Variants in SLC17A1 observed in about 807,000 individuals in gnomAD.
SLC17A1 encodes sodium-dependent phosphate transport protein 1.
Under a neutral mutation model 53.5 loss-of-function variants are expected in SLC17A1, and 51 were observed. The observed-to-expected ratio is 0.95, with a 90% CI of 0.76 to 1.20. The LOEUF is 1.20. Ranked by LOEUF, SLC17A1 falls within the 50% of genes most tolerant of loss-of-function variation. SLC17A1 has a pLI of 0.00. For synonymous variants in SLC17A1, 179 were observed against 198.8 expected (o/e 0.90, Z 0.84); for missense variants, 538 against 568.2 (o/e 0.95, Z 0.54).
chr6:25,824,774 GA>G (rs1395804690), intron 3 of SLC17A1, among the ~76,000 whole-genome samples: 5 of 150,478 alleles, frequency 3.3e-5, no homozygotes, highest in Admixed American at 1.3e-4. Context: ...AAATGTGAAT[GA>G]AAAAAAAATT....
Position 25,811,763 on chromosome 6 carries a change from A to G in SLC17A1, c.905T>C (p.Phe302Ser), listed in dbSNP as rs776313841. ...MLHVNIKENGFLSSLPYLFAW... is the reference protein window; with the variant it reads ...MLHVNIKENGSLSSLPYLFAW... ...AAACAAATAGGGAAGGGAAGACAAG[A>G]ACCCATTCTGAAGAGGAAACATTAT... The change falls in exon 9 of 13, where the codon TTC becomes TCC. Residue 302 changes from phenylalanine to serine, a missense_variant. Physicochemically the swap from Phe to Ser is radical, Grantham distance 155. Coordinates refer to ENST00000244527, the MANE Select transcript of SLC17A1 (RefSeq NM_005074.5). 10 of 1,613,712 alleles carry G rather than the reference A, an allele frequency of 6.2e-6. No homozygotes were observed. In the South Asian group the frequency reaches 1.1e-4, roughly 18 times the overall value.
chr6:25,726,507 C>T, the SLC17A1 span: 33 of 1,610,710 alleles, frequency 2.0e-5, no homozygotes, highest in Admixed American at 3.5e-4. Flanking sequence ...CTTTTCCTCC[C>T]TGCTTCCCTC....
chr6:25,797,693 GA>G (rs1368463485), intron 12 of SLC17A1, among the ~76,000 whole-genome samples: 4 of 151,026 alleles, frequency 2.6e-5, no homozygotes, highest in Non-Finnish European at 5.9e-5. Context: ...TCTGCCTCCT[GA>G]GTTCAAGAGA....
chr6:25,787,418 T>C (rs2151473825), intron 12 of SLC17A1, among the ~76,000 whole-genome samples: 1 of 152,272 alleles, frequency 6.6e-6, no homozygotes, highest in South Asian at 2.1e-4. Context: ...AATGATGCCC[T>C]AAACGCAGAC....
chr6:25,792,094 C>G (rs964525374), intron 12 of SLC17A1, among the ~76,000 whole-genome samples: 22 of 152,130 alleles, frequency 1.4e-4, no homozygotes, highest in Non-Finnish European at 2.4e-4. Flanking sequence ...ATTTTCTGAC[C>G]AGGTAGGAGT....
At chr6:25,815,778 G>T (rs1764330074) in intron 6 of SLC17A1, among the ~76,000 whole-genome samples, 1 of 152,062 alleles carries the variant, frequency 6.6e-6, no homozygotes, top group African/African-American at 2.4e-5. Flanking sequence ...TTGAAAACAT[G>T]CCCTTTTTGG....
intron 12 of SLC17A1, among the ~76,000 whole-genome samples, chr6:25,797,198 C>G (rs1763619471): frequency 6.6e-6 from 1 of 152,212 alleles, no homozygotes; most frequent in South Asian, 2.1e-4. Flanking sequence ...AGCTACCACA[C>G]CATTTCTCTA....
At chr6:25,737,750 T>C in the SLC17A1 span, among the ~76,000 whole-genome samples, 1 of 152,156 alleles carries the variant, frequency 6.6e-6, no homozygotes, top group African/African-American at 2.4e-5. Context: ...TTTCAAAATA[T>C]AATAACAAAA....
chr6:25,752,193 C>T, the SLC17A1 span, among the ~76,000 whole-genome samples: 1 of 152,196 alleles, frequency 6.6e-6, no homozygotes, highest in African/African-American at 2.4e-5. Context: ...AGTGCAGTTA[C>T]ACAAACCTAG....
chr6:25,819,448 G>A (rs912772981), intron 5 of SLC17A1, 63 bp downstream of exon 5: 70 of 1,310,032 alleles, frequency 5.3e-5, no homozygotes, highest in Non-Finnish European at 7.4e-5. Flanking sequence ...TATGGCTCTA[G>A]GGAAGAATGT....
the SLC17A1 span, chr6:25,768,477 C>A: frequency 7.3e-6 from 5 of 684,384 alleles, no homozygotes; most frequent in African/African-American, 2.0e-5. Flanking sequence ...TTAAATACTT[C>A]TATGATCTAA....
At chr6:25,731,739 A>G in the SLC17A1 span, 2 of 1,353,428 alleles carry the variant, frequency 1.5e-6, no homozygotes, top group African/African-American at 1.5e-5. Context: ...GGCTCTTAAA[A>G]GAGCCTTTGG....
At chr6:25,760,943 C>T in the SLC17A1 span, among the ~76,000 whole-genome samples, 1 of 152,174 alleles carries the variant, frequency 6.6e-6, no homozygotes, top group Non-Finnish European at 1.5e-5. Flanking sequence ...AATTTTGCTA[C>T]ACATTGAGTC....
intron 3 of SLC17A1, among the ~76,000 whole-genome samples, chr6:25,823,503 A>T (rs1230555050): frequency 6.6e-6 from 1 of 152,062 alleles, no homozygotes; most frequent in African/African-American, 2.4e-5. Context: ...TTACAATTTT[A>T]GCCATTTGAA....
the SLC17A1 span, among the ~76,000 whole-genome samples, chr6:25,761,460 C>T: frequency 6.6e-6 from 1 of 152,200 alleles, no homozygotes; most frequent in Non-Finnish European, 1.5e-5. Context: ...AGACATCTAA[C>T]TCGGTGGAGA....
chr6:25,816,994 C>G (rs1363451830), intron 6 of SLC17A1, among the ~76,000 whole-genome samples: 2 of 151,980 alleles, frequency 1.3e-5, no homozygotes, highest in African/African-American at 4.8e-5. Context: ...ATTATAGGTG[C>G]CTGCCACCAC....
At chr6:25,747,350 T>TAAG in the SLC17A1 span, among the ~76,000 whole-genome samples, 1 of 152,208 alleles carries the variant, frequency 6.6e-6, no homozygotes, top group Admixed American at 6.5e-5. Context: ...TTCCACAATG[T>TAAG]AAGAGCTAGG....
chr6:25,764,762 G>T, the SLC17A1 span, among the ~76,000 whole-genome samples: 1 of 152,160 alleles, frequency 6.6e-6, no homozygotes, highest in Admixed American at 6.5e-5. Context: ...AGCGTGCATG[G>T]GTCCACATCC....
chr6:25,778,905 A>T (rs951254062), downstream of SLC17A1: 6 of 926,766 alleles, frequency 6.5e-6, no homozygotes, highest in Non-Finnish European at 1.0e-5. Context: ...GCAGAAATGT[A>T]CTTGAGTATT....
Sources: allele counts gnomAD v4.1 joint callset (sites outside exome capture counted in the v4.1 genomes callset), GRCh38; gene constraint gnomAD v4.1.1; transcripts MANE v1.5; gene names NCBI Gene and HGNC (gene_info 2026-07-23, HGNC 2026-07-21).